The following DLG2 variants were observed in gnomAD, a reference collection of about 807,000 sequenced individuals.
DLG2 encodes disks large homolog 2.
In DLG2, 45 loss-of-function variants were observed where a neutral mutation model predicts 132.5. The ratio of observed to expected loss-of-function variants is 0.34; its 90% CI spans 0.27 to 0.44. The LOEUF (loss-of-function observed/expected upper bound fraction) is 0.44. Ranked by LOEUF, DLG2 falls within the 20% of genes least tolerant of loss-of-function variation. The pLI, the probability that DLG2 is intolerant of heterozygous loss-of-function variation, is 1.00. For missense variants in DLG2, 1,045 were observed against 1,196.9 expected (o/e 0.87, Z 1.87); for synonymous variants, 424 against 419.6 (o/e 1.01, Z -0.13).
At chr11:83,831,836 T>C (rs759414055) in intron 17 of DLG2, among the ~76,000 whole-genome samples, 1 of 152,010 alleles carries the variant, frequency 6.6e-6, no homozygotes, top group Non-Finnish European at 1.5e-5. Flanking sequence ...TACCCTATCA[T>C]ACTAAGGAGG....
At chr11:85,250,108 G>A (rs966165966) in intron 4 of DLG2, among the ~76,000 whole-genome samples, 8 of 152,146 alleles carry the variant, frequency 5.3e-5, no homozygotes, top group Non-Finnish European at 1.2e-4. Context: ...GTCCACATGG[G>A]TGAAGAGGAA....
intron 6 of DLG2, among the ~76,000 whole-genome samples, chr11:84,960,693 C>A (rs1431951656): frequency 6.6e-6 from 1 of 152,086 alleles, no homozygotes; most frequent in Non-Finnish European, 1.5e-5. Context: ...CCCGCCTTGG[C>A]TTCCCAATTA....
intron 16 of DLG2, among the ~76,000 whole-genome samples, chr11:83,866,048 T>G (rs78539920): frequency 6.6e-6 from 1 of 152,060 alleles, no homozygotes; most frequent in Non-Finnish European, 1.5e-5. Context: ...GATGCCCTAT[T>G]ATAGGTACTC....
At chr11:84,540,985 G>T (rs925942280) in intron 6 of DLG2, among the ~76,000 whole-genome samples, 21 of 152,072 alleles carry the variant, frequency 1.4e-4, no homozygotes, top group Non-Finnish European at 2.6e-4. Context: ...GGTGGGAATT[G>T]AACAATGAGA....
intron 6 of DLG2, among the ~76,000 whole-genome samples, chr11:84,604,747 A>G (rs567481863): frequency 5.0e-4 from 76 of 152,148 alleles, no homozygotes; most frequent in African/African-American, 1.8e-3. Flanking sequence ...ACTGATTTTC[A>G]TCTTTGTCTT....
At chr11:83,785,514 T>G (rs1037709123) in intron 18 of DLG2, among the ~76,000 whole-genome samples, 3 of 152,266 alleles carry the variant, frequency 2.0e-5, no homozygotes, top group African/African-American at 7.2e-5. Context: ...TCCCACTCTC[T>G]GGCCATATCT....
chr11:85,038,380 T>C (rs1395338146), intron 6 of DLG2, among the ~76,000 whole-genome samples: 1 of 152,092 alleles, frequency 6.6e-6, no homozygotes, highest in Non-Finnish European at 1.5e-5. Context: ...TAGTAATTGC[T>C]GACAATTCAT....
chr11:85,271,507 A>T (rs985638391), intron 4 of DLG2, among the ~76,000 whole-genome samples: 4 of 152,150 alleles, frequency 2.6e-5, no homozygotes, highest in African/African-American at 9.7e-5. Context: ...AGAATGGTAG[A>T]TCCACCCACA....
intron 9 of DLG2, among the ~76,000 whole-genome samples, chr11:84,102,090 C>A (rs1343067607): frequency 6.6e-6 from 1 of 152,094 alleles, no homozygotes; most frequent in Non-Finnish European, 1.5e-5. Context: ...TTCAATTCTT[C>A]GCATTTTTGA....
chr11:84,355,138 G>T (rs2098603540), intron 7 of DLG2, among the ~76,000 whole-genome samples: 1 of 152,018 alleles, frequency 6.6e-6, no homozygotes, highest in Non-Finnish European at 1.5e-5. Flanking sequence ...GGATGTTCTG[G>T]CAACAGAGAA....
At chr11:84,765,613 T>C (rs150313866) in intron 6 of DLG2, among the ~76,000 whole-genome samples, 189 of 152,216 alleles carry the variant, frequency 1.2e-3, no homozygotes, top group Non-Finnish European at 2.3e-3. Context: ...AGAACAGATA[T>C]ACAACTTCCT....
At chr11:84,910,783 C>T (rs2091986375) in intron 6 of DLG2, among the ~76,000 whole-genome samples, 1 of 152,044 alleles carries the variant, frequency 6.6e-6, no homozygotes, top group South Asian at 2.1e-4. Flanking sequence ...ACAACAACAA[C>T]AACAACAACA....
intron 15 of DLG2, among the ~76,000 whole-genome samples, chr11:83,899,531 G>A (rs1445283883): frequency 1.3e-5 from 2 of 152,086 alleles, no homozygotes; most frequent in Non-Finnish European, 2.9e-5. Flanking sequence ...GAATCATGGG[G>A]GCAGGTCTTT....
intron 7 of DLG2, among the ~76,000 whole-genome samples, chr11:84,472,647 CAT>C (rs1229330548): frequency 6.6e-6 from 1 of 151,836 alleles, no homozygotes; most frequent in African/African-American, 2.4e-5. Flanking sequence ...ACCTAATGTT[CAT>C]ACTTAAGCCC....
At chr11:84,731,371 T>A (rs997178774) in intron 6 of DLG2, among the ~76,000 whole-genome samples, 3 of 151,954 alleles carry the variant, frequency 2.0e-5, no homozygotes, top group African/African-American at 7.2e-5. Context: ...TACAAACCAA[T>A]GGAGAAGGCA....
At chr11:85,003,511 G>A (rs1343809458) in intron 6 of DLG2, among the ~76,000 whole-genome samples, 2 of 151,966 alleles carry the variant, frequency 1.3e-5, no homozygotes, top group African/African-American at 2.4e-5. Flanking sequence ...ATTAGCATAT[G>A]GAACTTAAGT....
In DLG2 at chr11:84,451,014, C is replaced by T. The variant is rs1196382285; in HGVS notation, c.519+83556G>A. Among the ~76,000 whole-genome samples the T allele has an allele frequency of 2.0e-5, 3 of 151,928 alleles. No individual in the cohort carries two copies. In the South Asian group the frequency reaches 6.2e-4, roughly 32 times the overall value. On this transcript the variant is annotated intron_variant, in intron 7 of 27. Coordinates refer to ENST00000376104, the MANE Select transcript of DLG2 (RefSeq NM_001142699.3). Reference sequence around the variant, plus strand: ...CATGTAACAAACCTGCACATGTACCCTTTAATCTAAATAAAATTTGAAATT... The same window carrying T: ...CATGTAACAAACCTGCACATGTACCTTTTAATCTAAATAAAATTTGAAATT...
At chr11:85,101,352 A>G (rs2070819072) in intron 6 of DLG2, among the ~76,000 whole-genome samples, 1 of 152,276 alleles carries the variant, frequency 6.6e-6, no homozygotes, top group South Asian at 2.1e-4. Context: ...TGCCTAAGAA[A>G]TATTAAGAAG....
intron 18 of DLG2, among the ~76,000 whole-genome samples, chr11:83,683,747 AC>A (rs1198378070): frequency 6.6e-6 from 1 of 152,086 alleles, no homozygotes; most frequent in Non-Finnish European, 1.5e-5. Context: ...AATTTCTGCC[AC>A]ACCTTCTCCC....
Sources: allele counts gnomAD v4.1 joint callset (sites outside exome capture counted in the v4.1 genomes callset), GRCh38; gene constraint gnomAD v4.1.1; transcripts MANE v1.5; gene names NCBI Gene and HGNC (gene_info 2026-07-23, HGNC 2026-07-21).